The following CATSPERT variants were observed in gnomAD, a reference collection of about 807,000 sequenced individuals.
CATSPERT encodes cation channel sperm-associated targeting subunit tau.
the CATSPERT span, among the ~76,000 whole-genome samples, chr2:201,506,727 G>GT: frequency 7.2e-5 from 11 of 152,014 alleles, no homozygotes; most frequent in Non-Finnish European, 1.5e-4. Context: ...CTAATTTTTT[G>GT]TATTTTTAGT....
the CATSPERT span, among the ~76,000 whole-genome samples, chr2:201,574,982 G>A: frequency 6.7e-6 from 1 of 150,208 alleles, no homozygotes; most frequent in Non-Finnish European, 1.5e-5. Flanking sequence ...AGCAGCCAGA[G>A]GCATTCTACT....
the CATSPERT span, chr2:201,555,876 TATTA>T: frequency 6.6e-6 from 1 of 152,206 alleles, no homozygotes; most frequent in African/African-American, 2.4e-5. Context: ...GGACTTAATA[TATTA>T]ATTATAGCCT....
At chr2:201,510,692 G>C in the CATSPERT span, among the ~76,000 whole-genome samples, 1 of 151,634 alleles carries the variant, frequency 6.6e-6, no homozygotes, top group East Asian at 1.9e-4. Context: ...ATATTGGTAA[G>C]TTCTTACGTC....
chr2:201,568,055 A>G, the CATSPERT span, among the ~76,000 whole-genome samples: 3 of 152,182 alleles, frequency 2.0e-5, no homozygotes, highest in African/African-American at 7.2e-5. Flanking sequence ...TTATTTCTCC[A>G]GGTGTTGTAT....
chr2:201,493,831 T>C, the CATSPERT span: 1 of 1,533,822 alleles, frequency 6.5e-7, no homozygotes, highest in Non-Finnish European at 8.7e-7. Context: ...GGTACTACTA[T>C]TTTTTTTAAT....
the CATSPERT span, among the ~76,000 whole-genome samples, chr2:201,587,076 T>C: frequency 1.3e-5 from 2 of 152,150 alleles, no homozygotes; most frequent in African/African-American, 4.8e-5. Context: ...CATATCACAA[T>C]GTATCTTGAA....
At chr2:201,507,969 T>G in the CATSPERT span, among the ~76,000 whole-genome samples, 1 of 152,142 alleles carries the variant, frequency 6.6e-6, no homozygotes, top group Admixed American at 6.5e-5. Flanking sequence ...CCGCCATGAT[T>G]CAGTCACCTC....
chr2:201,489,005 C>T, the CATSPERT span, among the ~76,000 whole-genome samples: 1 of 152,288 alleles, frequency 6.6e-6, no homozygotes, highest in Middle Eastern at 3.4e-3. Flanking sequence ...AGTGGAAGGG[C>T]ATGGAGACCC....
the CATSPERT span, chr2:201,487,955 G>A: frequency 7.6e-6 from 11 of 1,442,046 alleles, no homozygotes; most frequent in South Asian, 1.1e-4. Context: ...TTAAAAGTAG[G>A]TTTTAAATTT....
At chr2:201,491,663 G>A in the CATSPERT span, 1 of 1,537,012 alleles carries the variant, frequency 6.5e-7, no homozygotes. Context: ...TCTTCCCTTG[G>A]CATTCTGGCA....
At chr2:201,582,796 T>C in the CATSPERT span, among the ~76,000 whole-genome samples, 3 of 152,252 alleles carry the variant, frequency 2.0e-5, no homozygotes, top group African/African-American at 7.2e-5. Flanking sequence ...TATTGCTAAT[T>C]AGAAAAAAAG....
chr2:201,563,076 C>T, the CATSPERT span, among the ~76,000 whole-genome samples: 36 of 144,868 alleles, frequency 2.5e-4, no homozygotes, highest in Middle Eastern at 7.6e-3. Context: ...GGCTCCTCAC[C>T]TCCCAGTAGG....
the CATSPERT span, chr2:201,493,100 TG>T: frequency 2.6e-6 from 4 of 1,529,220 alleles, no homozygotes; most frequent in Admixed American, 8.1e-5. Context: ...TGATTATATT[TG>T]AAAAAAACAT....
chr2:201,596,969 G>A, the CATSPERT span, among the ~76,000 whole-genome samples: 113 of 152,212 alleles, frequency 7.4e-4, no homozygotes, highest in African/African-American at 2.6e-3. Context: ...TACTTCTATT[G>A]ACTGCTTTTA....
the CATSPERT span, among the ~76,000 whole-genome samples, chr2:201,603,836 T>C: frequency 1.3e-5 from 2 of 152,176 alleles, no homozygotes; most frequent in African/African-American, 4.8e-5. Context: ...TGAATCCTAA[T>C]ATGAGAATTA....
chr2:201,538,212 C>G, the CATSPERT span, among the ~76,000 whole-genome samples: 1 of 152,058 alleles, frequency 6.6e-6, no homozygotes, highest in Admixed American at 6.6e-5. Flanking sequence ...AGGCAACCAG[C>G]ATTCTACTCT....
chr2:201,487,949 AAGT>A, the CATSPERT span: 1 of 1,474,814 alleles, frequency 6.8e-7, no homozygotes. Context: ...GGTTTCTTAA[AAGT>A]AGGTTTTAAA....
the CATSPERT span, among the ~76,000 whole-genome samples, chr2:201,581,548 GTATATATATATATATATATATA>G: frequency 1.7e-3 from 16 of 9,660 alleles, no homozygotes; most frequent in South Asian, 5.8e-3. Flanking sequence ...AAAAATGTGT[GTATATATATATATATATATATA>G]TATATATATA....
At chr2:201,541,531 T>TTTTATATA in the CATSPERT span, among the ~76,000 whole-genome samples, 1 of 92,768 alleles carries the variant, frequency 1.1e-5, no homozygotes, top group Non-Finnish European at 2.1e-5. Context: ...TCAGATGATT[T>TTTTATATA]TATATATATA....
Sources: allele counts gnomAD v4.1 joint callset (sites outside exome capture counted in the v4.1 genomes callset), GRCh38; gene constraint gnomAD v4.1.1; transcripts MANE v1.5; gene names NCBI Gene and HGNC (gene_info 2026-07-23, HGNC 2026-07-21).